Variants in RPIA observed in about 807,000 individuals in gnomAD.
RPIA encodes ribose 5-phosphate isomerase A, also known as ribose-5-phosphate isomerase.
RPIA carries 29 observed loss-of-function variants against 37.8 expected under a neutral mutation model. The observed-to-expected ratio is 0.77, with a 90% CI of 0.57 to 1.05. The LOEUF (loss-of-function observed/expected upper bound fraction) is 1.05, where lower values mean the gene tolerates loss of function less well. Among genes scored for constraint, RPIA ranks in the 50% least tolerant of loss-of-function variants. The probability of loss-of-function intolerance (pLI) is 0.00; values close to 1 mark genes in which losing one functional copy is unlikely to be tolerated. For missense variants in RPIA, 385 were observed against 413.6 expected, an observed-to-expected ratio of 0.93 and a Z score of 0.60; for synonymous variants, 167 against 157.0, an observed-to-expected ratio of 1.06 and a Z score of -0.48.
At chr2:88,718,588 C>G (rs559475063) in intron 3 of RPIA, among the ~76,000 whole-genome samples, 1 of 152,250 alleles carries the variant, frequency 6.6e-6, no homozygotes, top group Non-Finnish European at 1.5e-5. Flanking sequence ...ACTGCATAGA[C>G]AAAGGTGTAA....
At chr2:88,733,002 G>A (rs1230155415) in intron 4 of RPIA, among the ~76,000 whole-genome samples, 4 of 152,252 alleles carry the variant, frequency 2.6e-5, no homozygotes, top group East Asian at 1.9e-4. Context: ...GCACAGAGAG[G>A]GTAAGTCATA....
chr2:88,699,988 A>G (rs772628961), intron 2 of RPIA, 21 bp from the exon 3 acceptor site: 1 of 1,613,894 alleles, frequency 6.2e-7, no homozygotes, highest in Non-Finnish European at 8.5e-7. Context: ...AAAACTGCCA[A>G]TATGGCTTTT....
rs375497466 is a variant in RPIA, at chr2:88,746,663, A to C, written c.839-3318A>C. 8.6e-4 allele frequency among the ~76,000 whole-genome samples: 131 copies of C among 152,314 alleles called. 3 individuals are homozygous for C. The South Asian group carries it at 0.012, about 14-fold the overall frequency. Reference sequence around the variant, plus strand: ...CAGCACCTGCTTCGGTGGAGGTGGCAGGAGAGTGAAGTGGACTCTGTGGGA... The same window carrying C: ...CAGCACCTGCTTCGGTGGAGGTGGCCGGAGAGTGAAGTGGACTCTGTGGGA... On this transcript the variant is annotated intron_variant, in intron 8 of 8. Coordinates refer to ENST00000283646, the MANE Select transcript of RPIA (RefSeq NM_144563.3).
chr2:88,723,581 A>G (rs919158284), intron 3 of RPIA, among the ~76,000 whole-genome samples: 5 of 152,200 alleles, frequency 3.3e-5, no homozygotes, highest in East Asian at 1.9e-4. Context: ...GGTTTGAGCC[A>G]TAAAATTAGC....
intron 3 of RPIA, among the ~76,000 whole-genome samples, chr2:88,726,516 C>T (rs1013125515): frequency 2.6e-5 from 4 of 152,040 alleles, no homozygotes; most frequent in African/African-American, 9.7e-5. Context: ...AATAGAGAGG[C>T]CCTTGTGCAT....
intron 3 of RPIA, among the ~76,000 whole-genome samples, chr2:88,723,113 T>C (rs1333659139): frequency 6.6e-6 from 1 of 151,980 alleles, no homozygotes; most frequent in East Asian, 1.9e-4. Flanking sequence ...TCAGGTAGAG[T>C]TGGTCAAATC....
chr2:88,742,134 A>C (rs1673390305), intron 8 of RPIA, among the ~76,000 whole-genome samples: 1 of 152,174 alleles, frequency 6.6e-6, no homozygotes, highest in African/African-American at 2.4e-5. Context: ...TGCCTAAGCC[A>C]GTGTCTAGAA....
At chr2:88,737,019 A>G (rs1478347718) in intron 7 of RPIA, among the ~76,000 whole-genome samples, 1 of 152,146 alleles carries the variant, frequency 6.6e-6, no homozygotes, top group Non-Finnish European at 1.5e-5. Context: ...GGCTTTGGGA[A>G]CTGCTTGGAA....
chr2:88,695,263 G>A (rs1672718957), intron 1 of RPIA, among the ~76,000 whole-genome samples: 1 of 152,230 alleles, frequency 6.6e-6, no homozygotes, highest in South Asian at 2.1e-4. Context: ...ACTTGAAGCT[G>A]TCAAGTCAGA....
At chr2:88,716,679 C>CT (rs35913765) in intron 3 of RPIA, among the ~76,000 whole-genome samples, 3 of 152,170 alleles carry the variant, frequency 2.0e-5, no homozygotes, top group Admixed American at 6.5e-5. Flanking sequence ...GTTCAGGTTA[C>CT]TTTTTTTCCC....
intron 1 of RPIA, among the ~76,000 whole-genome samples, chr2:88,696,813 A>G (rs1672753971): frequency 6.6e-6 from 1 of 152,142 alleles, no homozygotes; most frequent in African/African-American, 2.4e-5. Flanking sequence ...GGTGAGAGAG[A>G]CAGATGTTGA....
chr2:88,700,067 A>G lies in RPIA; in HGVS notation c.402+3A>G, dbSNP rs1672809820. 1 of 1,614,078 alleles carries G rather than the reference A, an allele frequency of 6.2e-7. No individual in the cohort carries two copies. Among genetic ancestry groups the G allele is most frequent in the Non-Finnish European group, 8.5e-7 (1 of 1,179,910 alleles). The stretch of plus-strand genomic sequence containing the variant: ...TCTGTATTCCCACTTCCTTCCAGGT[A>G]TGTCCTGCTTTCCATCTGCATCGTG... On this transcript the variant is annotated splice_donor_region_variant and intron_variant, in intron 3 of 8. Coordinates refer to ENST00000283646, the MANE Select transcript of RPIA (RefSeq NM_144563.3).
At chr2:88,700,667 T>C (rs928458808) in intron 3 of RPIA, among the ~76,000 whole-genome samples, 13 of 151,444 alleles carry the variant, frequency 8.6e-5, no homozygotes, top group Non-Finnish European at 1.9e-4. Context: ...AAAAAAAAAA[T>C]CAGGCTAAAA....
At chr2:88,711,946 G>T (rs1226381826) in intron 3 of RPIA, among the ~76,000 whole-genome samples, 2 of 152,134 alleles carry the variant, frequency 1.3e-5, no homozygotes, top group Non-Finnish European at 2.9e-5. Flanking sequence ...AGACCAGCCT[G>T]AGCAACATAG....
At chr2:88,707,770 G>A (rs1329601867) in intron 3 of RPIA, among the ~76,000 whole-genome samples, 1 of 152,218 alleles carries the variant, frequency 6.6e-6, no homozygotes, top group African/African-American at 2.4e-5. Flanking sequence ...TATAGTAAGT[G>A]TATAGTAAGT....
chr2:88,700,664 A>T (rs1224507839), intron 3 of RPIA, among the ~76,000 whole-genome samples: 1 of 152,224 alleles, frequency 6.6e-6, no homozygotes, highest in East Asian at 1.9e-4. Context: ...AAGAAAAAAA[A>T]AATCAGGCTA....
chr2:88,697,851 G>T (rs1221518534), intron 1 of RPIA, among the ~76,000 whole-genome samples: 1 of 152,062 alleles, frequency 6.6e-6, no homozygotes, highest in Non-Finnish European at 1.5e-5. Flanking sequence ...GGTTACTTCA[G>T]GCCCTCCCTT....
chr2:88,741,982 A>T (rs1307083669), intron 8 of RPIA, among the ~76,000 whole-genome samples: 1 of 151,194 alleles, frequency 6.6e-6, no homozygotes, highest in Non-Finnish European at 1.5e-5. Context: ...GATTGTGGAG[A>T]TTTTCTCCCA....
rs1295085105 is a variant in RPIA, at chr2:88,750,662, T to C, written c.*584T>C. On this transcript the variant is annotated 3_prime_UTR_variant, in exon 9 of 9. Coordinates refer to ENST00000283646, the MANE Select transcript of RPIA (RefSeq NM_144563.3). ...GTATGGAATGACTTGGAATGTAAGCTGTCAGGGAGAAAATGTTGTTACACT... is the reference window on the plus strand; with the variant it reads ...GTATGGAATGACTTGGAATGTAAGCCGTCAGGGAGAAAATGTTGTTACACT... The C allele has an allele frequency of 2.5e-5, 10 of 398,808 alleles. No homozygotes were observed. The highest frequency in any genetic ancestry group is 8.8e-5 in the Admixed American group (2 of 22,840). 24.7% of individuals were successfully genotyped at this position (398,808 alleles called of 1,614,324 possible). A position where few individuals can be genotyped will look rare whatever the true frequency, so the allele number is the denominator to read the frequency against.
Sources: gnomAD v4.1 joint callset for allele counts (sites outside exome capture counted in the v4.1 genomes callset) on GRCh38, gnomAD v4.1.1 for gene constraint, MANE v1.5 for transcripts, NCBI Gene and HGNC (gene_info 2026-07-23, HGNC 2026-07-21) for gene names.